The following FUBP1 variants were observed in gnomAD, a reference collection of about 807,000 sequenced individuals.
FUBP1 encodes the protein far upstream element-binding protein 1.
In FUBP1, 16 loss-of-function variants were observed where a neutral mutation model predicts 94.9. The ratio of observed to expected loss-of-function variants is 0.17; its 90% CI spans 0.11 to 0.26. The LOEUF (loss-of-function observed/expected upper bound fraction) is 0.26. Among genes scored for constraint, FUBP1 ranks in the 10% least tolerant of loss-of-function variants. The pLI, the probability that FUBP1 is intolerant of heterozygous loss-of-function variation, is 1.00. For synonymous variants in FUBP1, 279 were observed against 254.9 expected, an observed-to-expected ratio of 1.09 and a Z score of -0.90; for missense variants, 583 against 808.6, an observed-to-expected ratio of 0.72 and a Z score of 3.38.
At chr1:77,949,383 T>G in intron 18 of FUBP1, 83 bp from the exon 19 acceptor site, 1 of 1,103,922 alleles carries the variant, frequency 9.1e-7, no homozygotes, top group Middle Eastern at 2.1e-4. Flanking sequence ...ACCTTGCTTC[T>G]TGTAATATTT....
At chr1:77,971,063 A>G (rs1361348029) in intron 1 of FUBP1, among the ~76,000 whole-genome samples, 1 of 150,128 alleles carries the variant, frequency 6.7e-6, no homozygotes, top group African/African-American at 2.4e-5. Context: ...ATAAAAAACA[A>G]AAAAAAAAAC....
chr1:77,970,043 A>T lies in FUBP1; in HGVS notation c.121-28T>A. On this transcript the variant is annotated intron_variant, in intron 1 of 19. Coordinates refer to ENST00000370768, the MANE Select transcript of FUBP1 (RefSeq NM_003902.5). ...AAAAAAAAAAAAGAAAAATACCATC[A>T]TAAACTATTATATACTATTCATTAC... The T allele has an allele frequency of 3.4e-6, 4 of 1,176,392 alleles. 1 individual carries two copies. The South Asian group carries it at 3.9e-5, about 11-fold the overall frequency. 72.9% of individuals were successfully genotyped at this position (1,176,392 alleles called of 1,614,324 possible). A position where few individuals can be genotyped will look rare whatever the true frequency, so the allele number is the denominator to read the frequency against.
intron 16 of FUBP1, among the ~76,000 whole-genome samples, chr1:77,957,820 A>ATT (rs962006263): frequency 1.2e-4 from 16 of 137,202 alleles, no homozygotes; most frequent in South Asian, 2.3e-4. Context: ...CATTATCTGT[A>ATT]TTTTTTTTTT....
At chr1:77,968,299 A>G in intron 2 of FUBP1, 96 bp from the exon 3 acceptor site, 7 of 721,118 alleles carry the variant, frequency 9.7e-6, no homozygotes, top group Non-Finnish European at 1.6e-5. Flanking sequence ...ATTTATTGAA[A>G]TATCTGAAGG....
At chr1:77,973,297 G>A (rs867744337) in intron 1 of FUBP1, among the ~76,000 whole-genome samples, 30 of 152,076 alleles carry the variant, frequency 2.0e-4, no homozygotes, top group African/African-American at 7.2e-4. Flanking sequence ...CCAGACTAGA[G>A]TGCAGTGGCG....
intron 10 of FUBP1, 107 bp from the exon 11 acceptor site, chr1:77,964,463 A>C: frequency 4.2e-6 from 3 of 712,388 alleles, no homozygotes; most frequent in Non-Finnish European, 7.0e-6. Flanking sequence ...CTCAAATCAT[A>C]AAAGTACATA....
At chr1:77,967,927 T>C (rs1656817672) in intron 3 of FUBP1, among the ~76,000 whole-genome samples, 4 of 152,080 alleles carry the variant, frequency 2.6e-5, no homozygotes, top group African/African-American at 9.7e-5. Flanking sequence ...AGATCAAGAA[T>C]TGGAGTTGTT....
At chr1:77,971,730 C>T (rs939945961) in intron 1 of FUBP1, among the ~76,000 whole-genome samples, 15 of 151,844 alleles carry the variant, frequency 9.9e-5, no homozygotes, top group Admixed American at 6.6e-4. Context: ...CACTCTCAGC[C>T]GGACACAGTG....
At chr1:77,966,609 TA>T in intron 7 of FUBP1, 84 bp downstream of exon 7, 1 of 766,616 alleles carries the variant, frequency 1.3e-6, no homozygotes, top group South Asian at 1.5e-5. Flanking sequence ...CAGTGTAAAA[TA>T]AAGCAGTAAC....
At chr1:77,963,781 A>T (rs536847942) in intron 12 of FUBP1, 66 bp from the exon 13 acceptor site, 3 of 1,359,026 alleles carry the variant, frequency 2.2e-6, no homozygotes, top group Admixed American at 4.6e-5. Context: ...TGATAAAATT[A>T]TTAAGTTTAT....
intron 1 of FUBP1, among the ~76,000 whole-genome samples, chr1:77,971,634 C>T (rs2102472207): frequency 6.6e-6 from 1 of 152,118 alleles, no homozygotes; most frequent in South Asian, 2.1e-4. Context: ...ATAGATTTCC[C>T]TTTTCCTCAT....
At chr1:77,953,100 C>T (rs1232897706) in intron 18 of FUBP1, among the ~76,000 whole-genome samples, 4 of 151,754 alleles carry the variant, frequency 2.6e-5, no homozygotes, top group Non-Finnish European at 5.9e-5. Context: ...CGCACCATTG[C>T]TTGGGGAGTA....
chr1:77,978,933 A>ACCACCACCGCCG lies in FUBP1; in HGVS notation c.60_71dup (p.Gly23_Gly26dup). The ACCACCACCGCCG allele has an allele frequency of 6.2e-7, 1 of 1,612,686 alleles. No homozygotes were observed. The highest frequency in any genetic ancestry group is 1.1e-5 in the South Asian group (1 of 91,014). ...CTTTGAAAGCGTCGTTAACTCCTCC[A>ACCACCACCGCCG]CCACCACCGCCGCCACCACCGCCAC... On this transcript the variant is annotated inframe_insertion, in exon 1 of 20. Transcript: ENST00000370768.
intron 18 of FUBP1, among the ~76,000 whole-genome samples, chr1:77,951,510 G>A (rs1444219280): frequency 6.6e-6 from 1 of 152,124 alleles, no homozygotes; most frequent in East Asian, 1.9e-4. Context: ...GACATGTACT[G>A]CCTTACCTTG....
intron 18 of FUBP1, among the ~76,000 whole-genome samples, chr1:77,951,302 A>G (rs1267794512): frequency 6.6e-6 from 1 of 152,244 alleles, no homozygotes; most frequent in Non-Finnish European, 1.5e-5. Context: ...AAACTCCTAT[A>G]TCCCTGTGGA....
chr1:77,960,546 A>G (rs2296455), intron 14 of FUBP1, 51 bp from the exon 15 acceptor site: 100,173 of 1,410,456 alleles, frequency 0.071, 4,126 homozygotes, highest in African/African-American at 0.15. Flanking sequence ...AGTAATGGTT[A>G]AACAACTCTA....
At chr1:77,953,816 G>A (rs1282264169) in intron 18 of FUBP1, among the ~76,000 whole-genome samples, 1 of 152,094 alleles carries the variant, frequency 6.6e-6, no homozygotes, top group Non-Finnish European at 1.5e-5. Flanking sequence ...AACAGTAAAT[G>A]TATTAATGGC....
chr1:77,954,323 G>A (rs573979660), intron 18 of FUBP1, among the ~76,000 whole-genome samples: 4 of 152,164 alleles, frequency 2.6e-5, no homozygotes, highest in South Asian at 2.1e-4. Flanking sequence ...TCTTTTTGCC[G>A]AATTGTAGCT....
chr1:77,949,387 A>G, intron 18 of FUBP1, 87 bp from the exon 19 acceptor site: 1 of 1,075,382 alleles, frequency 9.3e-7, no homozygotes, highest in Non-Finnish European at 1.4e-6. Context: ...TGCTTCTTGT[A>G]ATATTTCTCC....
Sources: gnomAD v4.1 joint callset for allele counts (sites outside exome capture counted in the v4.1 genomes callset) on GRCh38, gnomAD v4.1.1 for gene constraint, MANE v1.5 for transcripts, NCBI Gene and HGNC (gene_info 2026-07-23, HGNC 2026-07-21) for gene names.